The following EIF4E3 variants were observed in gnomAD, a reference collection of about 807,000 sequenced individuals.
EIF4E3 encodes eukaryotic translation initiation factor 4E family member 3.
In EIF4E3, 26 loss-of-function variants were observed where a neutral mutation model predicts 31.7. The observed-to-expected ratio is 0.82, with a 90% CI of 0.60 to 1.14. EIF4E3 has a LOEUF of 1.14. Ranked by LOEUF, EIF4E3 falls within the 50% of genes most tolerant of loss-of-function variation. EIF4E3 has a pLI of 0.00. For missense variants in EIF4E3, 304 were observed against 270.9 expected, an observed-to-expected ratio of 1.12 and a Z score of -0.86; for synonymous variants, 128 against 107.7, an observed-to-expected ratio of 1.19 and a Z score of -1.17.
intron 6 of EIF4E3, among the ~76,000 whole-genome samples, chr3:71,688,744 G>C (rs1017499793): frequency 6.6e-6 from 1 of 152,144 alleles, no homozygotes; most frequent in African/African-American, 2.4e-5. Flanking sequence ...TACAATTAAA[G>C]TATCCCTAAA....
intron 1 of EIF4E3, among the ~76,000 whole-genome samples, chr3:71,717,274 G>A (rs1314553014): frequency 2.0e-5 from 3 of 152,130 alleles, no homozygotes; most frequent in Non-Finnish European, 4.4e-5. Context: ...GAGACATGCT[G>A]GCCTATGTCA....
At chr3:71,664,584 C>T in the EIF4E3 span, among the ~76,000 whole-genome samples, 1 of 151,996 alleles carries the variant, frequency 6.6e-6, no homozygotes, top group African/African-American at 2.4e-5. Flanking sequence ...AGAGAGAGGC[C>T]CATTCTGTCT....
chr3:71,707,918 T>C (rs2049318527), intron 2 of EIF4E3, among the ~76,000 whole-genome samples: 1 of 150,346 alleles, frequency 6.7e-6, no homozygotes. Context: ...AGACAGAGTC[T>C]CACTCTGTCA....
chr3:71,748,405 G>C (rs530049839), intron 1 of EIF4E3, among the ~76,000 whole-genome samples: 1 of 152,238 alleles, frequency 6.6e-6, no homozygotes, highest in South Asian at 2.1e-4. Context: ...TAATTACATT[G>C]TCCAGAAGAA....
At position 71,682,769 on chromosome 3, in the gene EIF4E3, T is replaced by C. The variant is rs1407533059; in HGVS notation, c.*1913A>G. The C allele has an allele frequency of 6.6e-6, 1 of 152,590 alleles. No homozygotes were observed. Among genetic ancestry groups the C allele is most frequent in the Non-Finnish European group, 1.5e-5 (1 of 68,026 alleles). The allele number at this position is 152,590 out of a possible 1,614,324, so 9.5% of individuals were successfully genotyped here. ...ATTTATTTTTACTTCAAAGGCTACATACATGCAAAAGTTGAACATGTCATC... is the reference window on the plus strand; with the variant it reads ...ATTTATTTTTACTTCAAAGGCTACACACATGCAAAAGTTGAACATGTCATC... On this transcript the variant is annotated 3_prime_UTR_variant, in exon 7 of 7. Coordinates refer to ENST00000425534, the MANE Select transcript of EIF4E3 (RefSeq NM_001134651.2).
At chr3:71,696,216 T>C (rs1306262619) in intron 4 of EIF4E3, among the ~76,000 whole-genome samples, 1 of 152,186 alleles carries the variant, frequency 6.6e-6, no homozygotes, top group Non-Finnish European at 1.5e-5. Flanking sequence ...TCACAGGCAT[T>C]TACTCCTGCA....
At chr3:71,754,558 C>T, upstream of EIF4E3, 1 of 1,373,628 alleles carries the variant, frequency 7.3e-7, no homozygotes, top group Non-Finnish European at 9.4e-7. This position sits in a 1 kb window ranked among gnomAD's most constrained non-coding sequence, Gnocchi z 5.8. Context: ...GAGGACGCGC[C>T]GTGCGCCCTG....
chr3:71,664,043 C>T, the EIF4E3 span, among the ~76,000 whole-genome samples: 3 of 152,182 alleles, frequency 2.0e-5, no homozygotes, highest in South Asian at 2.1e-4. Flanking sequence ...CAGGGAGGAG[C>T]GGCAGGAGGG....
intron 2 of EIF4E3, among the ~76,000 whole-genome samples, chr3:71,700,881 T>TG (rs1337706119): frequency 1.3e-5 from 2 of 152,054 alleles, no homozygotes; most frequent in Admixed American, 6.6e-5. Context: ...ACCAATAGGA[T>TG]GGTGTTAGCA....
intron 1 of EIF4E3, among the ~76,000 whole-genome samples, chr3:71,714,447 C>G (rs1026115175): frequency 6.6e-6 from 1 of 152,148 alleles, no homozygotes; most frequent in Non-Finnish European, 1.5e-5. Flanking sequence ...TTCTTTCCAG[C>G]TGATGGGCAC....
intron 1 of EIF4E3, among the ~76,000 whole-genome samples, chr3:71,713,839 A>G (rs2049417841): frequency 6.6e-6 from 1 of 152,166 alleles, no homozygotes; most frequent in Admixed American, 6.5e-5. Context: ...GATCTTCACA[A>G]AAACCAAAAG....
chr3:71,717,460 A>G (rs1310730710), intron 1 of EIF4E3, among the ~76,000 whole-genome samples: 1 of 152,216 alleles, frequency 6.6e-6, no homozygotes, highest in Non-Finnish European at 1.5e-5. Flanking sequence ...GCACTTAAAT[A>G]TGGGTTTTCA....
At chr3:71,660,831 C>G in the EIF4E3 span, among the ~76,000 whole-genome samples, 4 of 152,118 alleles carry the variant, frequency 2.6e-5, no homozygotes, top group African/African-American at 9.7e-5. Context: ...TCGTGGTAAC[C>G]AGTCTGGGGC....
downstream of EIF4E3, among the ~76,000 whole-genome samples, chr3:71,674,292 T>C (rs1286028584): frequency 6.6e-6 from 1 of 151,446 alleles, no homozygotes; most frequent in Non-Finnish European, 1.5e-5. Flanking sequence ...TTTTTAGTAT[T>C]GATGGGGTTT....
rs764760406 is a variant in EIF4E3 at position 71,693,958 on chromosome 3, A to G, written c.406-17T>C. ...AACTGTGGACTGATATGGGAAAAGA[A>G]TAAAAAACAAAACAAACAAAATACA... On this transcript the variant is annotated splice_polypyrimidine_tract_variant and intron_variant, in intron 4 of 6. Coordinates refer to ENST00000425534, the MANE Select transcript of EIF4E3 (RefSeq NM_001134651.2). The G allele has an allele frequency of 6.4e-7, 1 of 1,550,856 alleles. No individual in the cohort carries two copies. Among genetic ancestry groups the G allele is most frequent in the East Asian group, 2.3e-5 (1 of 42,958 alleles).
chr3:71,665,485 G>C, the EIF4E3 span, among the ~76,000 whole-genome samples: 1 of 152,196 alleles, frequency 6.6e-6, no homozygotes, highest in Admixed American at 6.5e-5. Flanking sequence ...CTATTAAAGA[G>C]AGATACTTTT....
Position 71,730,859 on chromosome 3 carries a change from A to G in EIF4E3, c.-290-2236T>C, listed in dbSNP as rs112426972. 3.6e-3 allele frequency among the ~76,000 whole-genome samples: 554 copies of G among 152,124 alleles called. 4 individuals are homozygous for G. Among genetic ancestry groups the G allele is most frequent in the African/African-American group, 0.011 (448 of 41,492 alleles). On this transcript the variant is annotated intron_variant, in intron 1 of 7. Transcript: ENST00000295612. The stretch of plus-strand genomic sequence containing the variant: ...ATCCTCCCATCTCAGCTTCCCCAGT[A>G]GCTACAAGCACATGCCACCATGCCC...
At chr3:71,735,307 G>GAATTAAAATTACTTGCAAA (rs1243205187) in intron 1 of EIF4E3, among the ~76,000 whole-genome samples, 1 of 152,094 alleles carries the variant, frequency 6.6e-6, no homozygotes, top group Non-Finnish European at 1.5e-5. Flanking sequence ...ACTTGCAAAA[G>GAATTAAAATTACTTGCAAA]AATTGGTGCG....
At chr3:71,729,201 C>T (rs1427566244), upstream of EIF4E3, 1 of 152,250 alleles carries the variant, frequency 6.6e-6, no homozygotes, top group African/African-American at 2.4e-5. Context: ...CTTCTACTCA[C>T]ATCTGCTCCC....
Sources: gnomAD v4.1 joint callset for allele counts (sites outside exome capture counted in the v4.1 genomes callset) on GRCh38, gnomAD v4.1.1 for gene constraint, Gnocchi (gnomAD v3.1) non-coding constraint, MANE v1.5 for transcripts, NCBI Gene and HGNC (gene_info 2026-07-23, HGNC 2026-07-21) for gene names.